Variants in TENM3 observed in about 807,000 individuals in gnomAD.
TENM3 encodes the protein teneurin-3.
A neutral mutation model predicts 255.1 loss-of-function variants in TENM3; 63 were observed. The observed-to-expected ratio is 0.25, with a 90% confidence interval of 0.20 to 0.30. The LOEUF is 0.30. Ranked by LOEUF, TENM3 falls within the 10% of genes least tolerant of loss-of-function variation. The pLI is 1.00. For synonymous variants in TENM3, 1,306 were observed against 1,322.3 expected, an observed-to-expected ratio of 0.99 and a Z score of 0.27; for missense variants, 2,929 against 3,461.1, an observed-to-expected ratio of 0.85 and a Z score of 3.86.
chr4:182,594,979 G>A (rs575761531), intron 3 of TENM3, among the ~76,000 whole-genome samples: 2 of 152,238 alleles, frequency 1.3e-5, no homozygotes, highest in East Asian at 3.9e-4. Flanking sequence ...GCCTCCCAAA[G>A]TGTTGGGATT....
At chr4:182,405,655 C>G (rs965322426) in intron 3 of TENM3, among the ~76,000 whole-genome samples, 10 of 152,176 alleles carry the variant, frequency 6.6e-5, no homozygotes, top group Non-Finnish European at 1.0e-4. Flanking sequence ...AAGACTTGGT[C>G]CCTGCTCTTC....
intron 3 of TENM3, among the ~76,000 whole-genome samples, chr4:182,378,618 C>T (rs1767344654): frequency 6.6e-6 from 1 of 152,100 alleles, no homozygotes; most frequent in Non-Finnish European, 1.5e-5. Context: ...GCTGGAGAAA[C>T]TGAAAACAGG....
the TENM3 span, among the ~76,000 whole-genome samples, chr4:181,465,442 A>G: frequency 6.6e-6 from 1 of 152,212 alleles, no homozygotes; most frequent in African/African-American, 2.4e-5. Context: ...TTTTACTTAG[A>G]AATTACCTTT....
the TENM3 span, among the ~76,000 whole-genome samples, chr4:181,885,444 G>A: frequency 3.3e-5 from 5 of 152,222 alleles, no homozygotes; most frequent in African/African-American, 1.2e-4. Flanking sequence ...TATATTTTTA[G>A]TAGAGACAGG....
chr4:182,711,083 C>A (rs1419881481), intron 12 of TENM3, among the ~76,000 whole-genome samples: 1 of 152,152 alleles, frequency 6.6e-6, no homozygotes, highest in Non-Finnish European at 1.5e-5. Flanking sequence ...ACTGGGTAAT[C>A]GTTTTCTAAA....
At chr4:181,891,594 T>C in the TENM3 span, among the ~76,000 whole-genome samples, 3 of 152,226 alleles carry the variant, frequency 2.0e-5, no homozygotes, top group Non-Finnish European at 4.4e-5. Flanking sequence ...CTCAATTTTC[T>C]TTCTTTATCC....
upstream of TENM3, among the ~76,000 whole-genome samples, chr4:182,140,543 A>T (rs1229114982): frequency 6.6e-6 from 1 of 152,158 alleles, no homozygotes; most frequent in African/African-American, 2.4e-5. Flanking sequence ...GCTAAAGCAG[A>T]TGTAATAAAG....
the TENM3 span, among the ~76,000 whole-genome samples, chr4:181,861,914 G>A: frequency 6.6e-6 from 1 of 151,978 alleles, no homozygotes; most frequent in Non-Finnish European, 1.5e-5. Context: ...TAACTCATTT[G>A]TGGAATTTTG....
At chr4:182,506,566 T>G (rs1003047134) in intron 3 of TENM3, among the ~76,000 whole-genome samples, 1 of 152,226 alleles carries the variant, frequency 6.6e-6, no homozygotes, top group Admixed American at 6.5e-5. Flanking sequence ...CTTGATCTTA[T>G]ATACTGTATT....
intron 1 of TENM3, among the ~76,000 whole-genome samples, chr4:182,318,131 G>T (rs900297904): frequency 6.6e-6 from 1 of 152,088 alleles, no homozygotes; most frequent in African/African-American, 2.4e-5. Flanking sequence ...AGATATCCAA[G>T]GTAACATTCA....
intron 1 of TENM3, among the ~76,000 whole-genome samples, chr4:182,311,146 C>T (rs1451973003): frequency 1.3e-5 from 2 of 152,210 alleles, no homozygotes; most frequent in African/African-American, 2.4e-5. Flanking sequence ...TAATATCACA[C>T]CAGGGTGTCA....
chr4:181,548,724 G>A, the TENM3 span, among the ~76,000 whole-genome samples: 19 of 152,220 alleles, frequency 1.2e-4, no homozygotes, highest in Non-Finnish European at 2.1e-4. Context: ...GACATACCAC[G>A]TGACAATTTT....
intron 1 of TENM3, among the ~76,000 whole-genome samples, chr4:182,299,775 G>C (rs1042322553): frequency 7.8e-6 from 1 of 128,514 alleles, no homozygotes; most frequent in African/African-American, 2.5e-5. Flanking sequence ...GCCAAGGACG[G>C]GGGGAGGGAG....
At chr4:181,999,280 C>A in the TENM3 span, among the ~76,000 whole-genome samples, 1 of 152,222 alleles carries the variant, frequency 6.6e-6, no homozygotes, top group Non-Finnish European at 1.5e-5. Flanking sequence ...ACTTAAAGAC[C>A]AGGCAGGTGC....
intron 3 of TENM3, among the ~76,000 whole-genome samples, chr4:182,413,294 T>G (rs1770138127): frequency 6.6e-6 from 1 of 152,064 alleles, no homozygotes; most frequent in Non-Finnish European, 1.5e-5. Context: ...GAGAAAAATA[T>G]TACAGTAACC....
rs73869948 is a variant in TENM3, at chr4:182,351,161, T to C, written c.511+4232T>C. 4.6e-3 allele frequency among the ~76,000 whole-genome samples: 702 copies of C among 152,052 alleles called. 6 individuals carry two copies. The highest frequency in any genetic ancestry group is 0.016 in the African/African-American group (674 of 41,458). The stretch of plus-strand genomic sequence containing the variant: ...TGTTTCCATGGAGAGTAACTCAGTG[T>C]CAAGAGATGTGCAGAAAATCCAAAG... On this transcript the variant is annotated intron_variant, in intron 3 of 27. Transcript: ENST00000511685.
chr4:181,905,039 T>A, the TENM3 span, among the ~76,000 whole-genome samples: 1 of 152,190 alleles, frequency 6.6e-6, no homozygotes, highest in Non-Finnish European at 1.5e-5. Context: ...CCCAGCCACA[T>A]GGAACTGTAA....
chr4:182,791,437 C>T (rs142754032), intron 25 of TENM3, among the ~76,000 whole-genome samples: 1 of 152,252 alleles, frequency 6.6e-6, no homozygotes, highest in African/African-American at 2.4e-5. Flanking sequence ...CATTTGTTGG[C>T]CTAGTAACTG....
the TENM3 span, among the ~76,000 whole-genome samples, chr4:181,979,927 C>T: frequency 1.3e-5 from 2 of 152,164 alleles, no homozygotes; most frequent in African/African-American, 4.8e-5. Context: ...GTAGCCAAGG[C>T]TCCGTGAGGA....
Sources: allele counts gnomAD v4.1 joint callset (sites outside exome capture counted in the v4.1 genomes callset), GRCh38; gene constraint gnomAD v4.1.1; transcripts MANE v1.5; gene names NCBI Gene and HGNC (gene_info 2026-07-23, HGNC 2026-07-21).